The following HLA-DPA1 variants were observed in gnomAD, a reference collection of about 807,000 sequenced individuals.
HLA-DPA1 encodes major histocompatibility complex, class II, DP alpha 1.
HLA-DPA1 carries 20 observed loss-of-function variants against 21.5 expected under a neutral mutation model. The observed-to-expected ratio is 0.93, with a 90% CI of 0.66 to 1.35. HLA-DPA1 has a LOEUF of 1.35. Among genes scored for constraint, HLA-DPA1 ranks in the 40% most tolerant of loss-of-function variants. HLA-DPA1 has a pLI of 0.00. For synonymous variants in HLA-DPA1, 123 were observed against 129.6 expected, an observed-to-expected ratio of 0.95 and a Z score of 0.35; for missense variants, 279 against 323.0, an observed-to-expected ratio of 0.86 and a Z score of 1.05.
exon 2 of HLA-DPA1, chr6:33,073,632 G>T: frequency 8.3e-7 from 1 of 1,200,646 alleles, no homozygotes; most frequent in Non-Finnish European, 1.2e-6. Context: ...CTGAGGCCGA[G>T]TGGAGGCAGA....
At chr6:33,075,305 G>A (rs981672988) in intron 1 of HLA-DPA1, among the ~76,000 whole-genome samples, 1 of 152,338 alleles carries the variant, frequency 6.6e-6, no homozygotes, top group Admixed American at 6.5e-5. Flanking sequence ...CGAAGTCCAA[G>A]AGAGGCAGTG....
Position 33,080,254 on chromosome 6 carries a change from T to G in HLA-DPA1, c.-100+426A>C. 2 of 365,450 alleles carry G rather than the reference T, an allele frequency of 5.5e-6. No individual in the cohort carries two copies. The highest frequency in any genetic ancestry group is 4.2e-5 in the South Asian group (2 of 47,066). 22.6% of individuals were successfully genotyped at this position (365,450 alleles called of 1,614,324 possible). A position where few individuals can be genotyped will look rare whatever the true frequency, so the allele number is the denominator to read the frequency against. ...GGTGGCATTTGAACCAGGACTGACA[T>G]CAGGATGGAAATGTCAGTCAGGGAG... On this transcript the variant is annotated intron_variant, in intron 1 of 5. Transcript: ENST00000419277. The surrounding 1 kb of genome is among the most constrained non-coding windows in gnomAD (Gnocchi z 4.3).
intron 1 of HLA-DPA1, among the ~76,000 whole-genome samples, chr6:33,077,094 G>T (rs1490654165): frequency 9.1e-6 from 1 of 109,760 alleles, no homozygotes. Context: ...AACAGGCCCC[G>T]GTGTATGATG....
At chr6:33,079,648 C>A (rs536716323) in intron 1 of HLA-DPA1, 72 of 467,284 alleles carry the variant, frequency 1.5e-4, no homozygotes, top group Middle Eastern at 3.9e-4. Flanking sequence ...ACAACAACAA[C>A]AAAAAAAACA....
intron 5 of HLA-DPA1, 192 bp downstream of exon 4, chr6:33,068,446 G>T: frequency 1.9e-6 from 1 of 518,976 alleles, no homozygotes; most frequent in Non-Finnish European, 3.4e-6. Context: ...TGAGAATAAA[G>T]TGAGTTAATA....
At position 33,078,518 on chromosome 6, in the gene HLA-DPA1, A is replaced by G. The variant is rs370947014; in HGVS notation, c.-100+2162T>C. Among the ~76,000 whole-genome samples the G allele has an allele frequency of 4.6e-5, 7 of 152,220 alleles. No individual in the cohort carries two copies. In the East Asian group the frequency reaches 7.7e-4, roughly 17 times the overall value. On this transcript the variant is annotated intron_variant, in intron 1 of 5. Coordinates refer to ENST00000419277, the Ensembl canonical transcript of HLA-DPA1. ...ATAGGGAGCTAGAGGTTTTTAATAT[A>G]TCCTATTCTGAATAAGAGACGAATT...
chr6:33,073,764 T>C, intron 1 of HLA-DPA1, 115 bp from the exon 1 acceptor site: 1 of 563,172 alleles, frequency 1.8e-6, no homozygotes, highest in South Asian at 2.3e-5. Flanking sequence ...AAGAGGACGC[T>C]GGAAGGTGCT....
chr6:33,068,997 G>T, intron 4 of HLA-DPA1, 22 bp downstream of exon 3: 1 of 1,609,740 alleles, frequency 6.2e-7, no homozygotes, highest in South Asian at 1.1e-5. Context: ...AGGAGATTAT[G>T]GAGAGAAAAG....
intron 1 of HLA-DPA1, chr6:33,076,231 G>C: frequency 1.2e-6 from 1 of 849,342 alleles, no homozygotes; most frequent in Non-Finnish European, 1.9e-6. Context: ...TCTGAGACAG[G>C]CTGCGGGGGC....
At chr6:33,078,577 G>A (rs772310017) in intron 1 of HLA-DPA1, among the ~76,000 whole-genome samples, 2 of 152,060 alleles carry the variant, frequency 1.3e-5, no homozygotes, top group Non-Finnish European at 2.9e-5. Flanking sequence ...CGTGCTCTGG[G>A]CAACTCAATT....
At chr6:33,068,703 T>C in exon 5 of HLA-DPA1, 2 of 1,613,026 alleles carry the variant, frequency 1.2e-6, no homozygotes, top group Non-Finnish European at 1.7e-6. Context: ...GACTTTATGA[T>C]GAGGACGGTG....
chr6:33,070,737 T>C lies in HLA-DPA1; in HGVS notation c.101-851A>G, dbSNP rs144667545. Among the ~76,000 whole-genome samples, 545 of 152,350 alleles carry C rather than the reference T, an allele frequency of 3.6e-3. 3 individuals carry two copies. The highest frequency in any genetic ancestry group is 0.026 in the East Asian group (133 of 5,190). ...CATTTATTTTATGTTCAGGAGTACA[T>C]GTGCAGGTTTGTTGTATAGGTAAAC... On this transcript the variant is annotated intron_variant, in intron 2 of 5. Transcript: ENST00000419277.
intron 2 of HLA-DPA1, among the ~76,000 whole-genome samples, chr6:33,070,986 A>G (rs753111491): frequency 2.0e-5 from 3 of 152,222 alleles, no homozygotes; most frequent in Non-Finnish European, 4.4e-5. Flanking sequence ...TCATGAAAGA[A>G]AACGATGAAT....
At chr6:33,079,635 G>GCAA (rs534439917) in intron 1 of HLA-DPA1, 2 of 466,814 alleles carry the variant, frequency 4.3e-6, no homozygotes, top group Middle Eastern at 3.7e-4. Context: ...GCTTATGGGA[G>GCAA]CAACAACAAC....
At chr6:33,073,578 G>A in exon 2 of HLA-DPA1, 4 of 1,601,828 alleles carry the variant, frequency 2.5e-6, no homozygotes, top group Non-Finnish European at 3.4e-6. Flanking sequence ...CATGTTGTGG[G>A]GTCTATAATT....
At position 33,073,453 on chromosome 6, in the gene HLA-DPA1, G is replaced by T; in HGVS notation, c.100+18C>A. The T allele has an allele frequency of 6.4e-7, 1 of 1,556,030 alleles. No individual in the cohort carries two copies. The highest frequency in any genetic ancestry group is 8.9e-7 in the Non-Finnish European group (1 of 1,128,368). ...CCATCACTCACCCCGACGCTCCTGC[G>T]TCCTCCTGAGCACTCACCCTTGATG... is the stretch of plus-strand genomic sequence containing the variant. On this transcript the variant is annotated intron_variant, in intron 2 of 5. Coordinates refer to ENST00000419277, the Ensembl canonical transcript of HLA-DPA1.
At chr6:33,071,403 G>A (rs57753382) in intron 2 of HLA-DPA1, among the ~76,000 whole-genome samples, 43,377 of 151,982 alleles carry the variant, frequency 0.29, 8,097 homozygotes, top group East Asian at 0.66. Context: ...GCAGTTATTG[G>A]AAACTCATCT....
At chr6:33,075,047 C>T (rs1314229911) in intron 1 of HLA-DPA1, among the ~76,000 whole-genome samples, 2 of 152,086 alleles carry the variant, frequency 1.3e-5, no homozygotes. Flanking sequence ...TTATAAGTGT[C>T]TAAAGTAAGA....
Position 33,068,624 on chromosome 6 carries a change from C to CTTT in HLA-DPA1, c.*12+11_*12+13dup, listed in dbSNP as rs68101439. 1.3e-6 allele frequency: 2 copies of CTTT among 1,580,418 alleles called. No individual in the cohort carries two copies. The highest frequency in any genetic ancestry group is 3.5e-5 in the Admixed American group (2 of 57,112). The stretch of plus-strand genomic sequence containing the variant: ...CATTCTACAAATCCTAGGGCCTCCT[C>CTTT]TTTACATTCCCACCTTTACAGTATT... On this transcript the variant is annotated intron_variant, in intron 5 of 5. Coordinates refer to ENST00000419277, the Ensembl canonical transcript of HLA-DPA1.
Sources: gnomAD v4.1 joint callset for allele counts (sites outside exome capture counted in the v4.1 genomes callset) on GRCh38, gnomAD v4.1.1 for gene constraint, Gnocchi (gnomAD v3.1) non-coding constraint, MANE v1.5 for transcripts, NCBI Gene and HGNC (gene_info 2026-07-23, HGNC 2026-07-21) for gene names.